EIF3J: variants seen among roughly 807,000 people sequenced by gnomAD.
EIF3J encodes the protein eukaryotic translation initiation factor 3, subunit 1 (alpha, 35kD).
Under a neutral mutation model 39.0 loss-of-function variants are expected in EIF3J, and 15 were observed. The observed-to-expected ratio is 0.38, with a 90% CI of 0.26 to 0.59. The LOEUF is 0.59. Among genes scored for constraint, EIF3J ranks in the 20% least tolerant of loss-of-function variants. EIF3J has a pLI of 0.60. For synonymous variants in EIF3J, 98 were observed against 112.9 expected (o/e 0.87, Z 0.84); for missense variants, 226 against 308.6 (o/e 0.73, Z 2.00).
chr15:44,561,374 T>C lies in EIF3J; in HGVS notation c.*225T>C, dbSNP rs148692596. 0.014 allele frequency: 5,198 copies of C among 380,466 alleles called. 91 individuals carry two copies. Among genetic ancestry groups the C allele is most frequent in the Non-Finnish European group, 0.017 (3,508 of 208,634 alleles). The allele number at this position is 380,466 out of a possible 1,614,324, so 23.6% of individuals were successfully genotyped here. A position where few individuals can be genotyped will look rare whatever the true frequency, so the allele number is the denominator to read the frequency against. On this transcript the variant is annotated 3_prime_UTR_variant, in exon 8 of 8. Coordinates refer to ENST00000261868, the MANE Select transcript of EIF3J (RefSeq NM_003758.4). ...GGGAACCTAAGTTGCTACTAAATCATAGTTCAAAACCTAATAATGTTGTCG... is the reference window on the plus strand; with the variant it reads ...GGGAACCTAAGTTGCTACTAAATCACAGTTCAAAACCTAATAATGTTGTCG...
intron 2 of EIF3J, among the ~76,000 whole-genome samples, chr15:44,546,163 A>ATAGCACT (rs2140893554): frequency 6.6e-6 from 1 of 152,352 alleles, no homozygotes; most frequent in Middle Eastern, 3.4e-3. Context: ...ACTGTGATGT[A>ATAGCACT]TAGCACTTAG....
intron 2 of EIF3J, among the ~76,000 whole-genome samples, chr15:44,538,304 T>TA (rs201238875): frequency 6.6e-6 from 1 of 151,792 alleles, no homozygotes; most frequent in African/African-American, 2.4e-5. Flanking sequence ...TTTTTTTTTT[T>TA]ACAGTAGTTA....
chr15:44,540,791 T>C (rs1462946046), intron 2 of EIF3J, among the ~76,000 whole-genome samples: 12 of 152,240 alleles, frequency 7.9e-5, no homozygotes, highest in Non-Finnish European at 1.6e-4. Context: ...TATGAGGAGT[T>C]GCAGACAAGG....
intron 2 of EIF3J, among the ~76,000 whole-genome samples, chr15:44,544,098 C>T (rs140618695): frequency 2.2e-5 from 3 of 134,070 alleles, no homozygotes; most frequent in Non-Finnish European, 1.5e-5. Context: ...CTTTTCTTTT[C>T]TTTTTTTTTT....
chr15:44,556,765 G>C (rs186319593), intron 5 of EIF3J, among the ~76,000 whole-genome samples: 3 of 152,122 alleles, frequency 2.0e-5, no homozygotes, highest in Admixed American at 2.0e-4. Context: ...GCCTGCCTAG[G>C]CCTCCCAAAG....
At chr15:44,543,756 G>C (rs571911287) in intron 2 of EIF3J, among the ~76,000 whole-genome samples, 1 of 152,262 alleles carries the variant, frequency 6.6e-6, no homozygotes, top group East Asian at 1.9e-4. Flanking sequence ...TGATGGAGTA[G>C]GGAATGTCTA....
chr15:44,549,291 T>A (rs1595802381), intron 2 of EIF3J, among the ~76,000 whole-genome samples: 1 of 151,926 alleles, frequency 6.6e-6, no homozygotes, highest in African/African-American at 2.4e-5. Flanking sequence ...CTTGGGAGGC[T>A]GAGGCAGGAG....
chr15:44,549,698 C>T (rs1454382838), intron 2 of EIF3J, among the ~76,000 whole-genome samples: 1 of 130,814 alleles, frequency 7.6e-6, no homozygotes, highest in African/African-American at 3.0e-5. Flanking sequence ...ACCTGGGAGG[C>T]AGAGGTTGCA....
intron 2 of EIF3J, among the ~76,000 whole-genome samples, chr15:44,541,186 C>CAT (rs1376380148): frequency 6.6e-6 from 1 of 152,172 alleles, no homozygotes; most frequent in African/African-American, 2.4e-5. Flanking sequence ...GTTCACTTGG[C>CAT]ATATATGACT....
rs753912691 is a variant in EIF3J, at chr15:44,554,584, C to A, written c.326C>A (p.Thr109Lys). Residue 109 changes from threonine (T) to lysine (K), a missense_variant, in exon 5 of 8, where the codon ACA (threonine) becomes AAA (lysine). This residue lies in a region of EIF3J where 143 missense variants were observed against 156.0 expected (regional missense o/e 0.92). Transcript: ENST00000261868. ...GAACCCGAAGAACCTAAAGTGCTAA[C>A]ACCAGAAGAACAATTAGCAGATAAA... ...LEEPEEPKVLTPEEQLADKLR... is the reference protein window; with the variant it reads ...LEEPEEPKVLKPEEQLADKLR... 16 of 1,612,036 alleles carry A rather than the reference C, an allele frequency of 9.9e-6. No individual in the cohort carries two copies. The highest frequency in any genetic ancestry group is 1.3e-5 in the Non-Finnish European group (15 of 1,179,388).
At chr15:44,554,375 TA>T (rs59415615) in intron 4 of EIF3J, among the ~76,000 whole-genome samples, 177 bp from the exon 5 acceptor site, 685 of 61,892 alleles carry the variant, frequency 0.011, 1 homozygote, top group East Asian at 0.065. Context: ...AGGCTCTGTC[TA>T]AAAAAAAAAA....
chr15:44,560,935 G>T, intron 7 of EIF3J, 83 bp from the exon 8 acceptor site: 2 of 1,536,364 alleles, frequency 1.3e-6, no homozygotes, highest in Admixed American at 2.0e-5. Flanking sequence ...AGGTTTTTGT[G>T]TGTTTGTTTA....
At position 44,562,357 on chromosome 15, in the gene EIF3J, G is replaced by GTAAC. The variant is rs1384533092; in HGVS notation, c.*1210_*1213dup. 1.3e-5 allele frequency: 2 copies of GTAAC among 152,590 alleles called. No individual in the cohort carries two copies. Among genetic ancestry groups the GTAAC allele is most frequent in the African/African-American group, 2.4e-5 (1 of 41,432 alleles). The allele number at this position is 152,590 out of a possible 1,614,324, so 9.5% of individuals were successfully genotyped here. ...TACCTATAAGAACTATTTATTTGGA[G>GTAAC]TAACTGAGCCTGTAACTCAGGTTTA... On this transcript the variant is annotated 3_prime_UTR_variant, in exon 8 of 8. Coordinates refer to ENST00000261868, the MANE Select transcript of EIF3J (RefSeq NM_003758.4).
intron 1 of EIF3J, 33 bp from the exon 2 acceptor site, chr15:44,537,291 G>A: frequency 6.4e-7 from 1 of 1,564,242 alleles, no homozygotes; most frequent in South Asian, 1.2e-5. Context: ...CCACGCAGTG[G>A]CAGGCACTAA....
intron 5 of EIF3J, among the ~76,000 whole-genome samples, chr15:44,555,914 A>G (rs2082140826): frequency 6.6e-6 from 1 of 152,056 alleles, no homozygotes; most frequent in East Asian, 1.9e-4. Context: ...GCTAGAGGAC[A>G]GTGGCTGAGA....
chr15:44,540,056 A>G (rs1326046631), intron 2 of EIF3J, among the ~76,000 whole-genome samples: 3 of 149,068 alleles, frequency 2.0e-5, no homozygotes, highest in African/African-American at 4.9e-5. Flanking sequence ...TCTCTGCCTC[A>G]GCCTCCCGAG....
chr15:44,545,114 C>G (rs2082043303), intron 2 of EIF3J, among the ~76,000 whole-genome samples: 1 of 152,150 alleles, frequency 6.6e-6, no homozygotes, highest in Non-Finnish European at 1.5e-5. Context: ...TAATCCTTCT[C>G]TTTATGAGAT....
rs2082209337 is a variant in EIF3J at position 44,562,348 on chromosome 15, T to C, written c.*1199T>C. On this transcript the variant is annotated 3_prime_UTR_variant, in exon 8 of 8. Transcript: ENST00000261868. ...TTAATTAAGTACCTATAAGAACTAT[T>C]TATTTGGAGTAACTGAGCCTGTAAC... 6.6e-6 allele frequency: 1 copy of C among 152,624 alleles called. No individual in the cohort carries two copies. Among genetic ancestry groups the C allele is most frequent in the African/African-American group, 2.4e-5 (1 of 41,458 alleles). 9.5% of individuals were successfully genotyped at this position (152,624 alleles called of 1,614,324 possible). A position where few individuals can be genotyped will look rare whatever the true frequency, so the allele number is the denominator to read the frequency against.
At chr15:44,548,788 T>C (rs1451889787) in intron 2 of EIF3J, among the ~76,000 whole-genome samples, 1 of 152,134 alleles carries the variant, frequency 6.6e-6, no homozygotes, top group Non-Finnish European at 1.5e-5. Context: ...TAATAATTCA[T>C]TCATGAGGGC....
Sources: gnomAD v4.1 joint callset for allele counts (sites outside exome capture counted in the v4.1 genomes callset) on GRCh38, gnomAD v4.1.1 for gene constraint, gnomAD v4.1.1 regional missense constraint, MANE v1.5 for transcripts, NCBI Gene and HGNC (gene_info 2026-07-23, HGNC 2026-07-21) for gene names.